CSMD1: variants seen among roughly 807,000 people sequenced by gnomAD.
The protein encoded by CSMD1 is CUB and Sushi multiple domains 1.
CSMD1 carries 213 observed loss-of-function variants against 417.5 expected under a neutral mutation model. The ratio of observed to expected loss-of-function variants is 0.51; its 90% confidence interval spans 0.46 to 0.57. CSMD1 has a LOEUF of 0.57. Ranked by LOEUF, CSMD1 falls within the 20% of genes least tolerant of loss-of-function variation. CSMD1 has a pLI of 0.00. For synonymous variants in CSMD1, 2,862 were observed against 1,736.8 expected, an observed-to-expected ratio of 1.65 and a Z score of -16.11; for missense variants, 6,923 against 4,529.7, an observed-to-expected ratio of 1.53 and a Z score of -15.17.
At chr8:4,880,499 T>C (rs1803320702) in intron 1 of CSMD1, among the ~76,000 whole-genome samples, 2 of 152,182 alleles carry the variant, frequency 1.3e-5, no homozygotes, top group South Asian at 2.1e-4. Flanking sequence ...ATGAATTCTG[T>C]CATACAGAAC....
chr8:4,974,132 T>G (rs1327216163), intron 1 of CSMD1, among the ~76,000 whole-genome samples: 1 of 152,050 alleles, frequency 6.6e-6, no homozygotes, highest in East Asian at 1.9e-4. Context: ...TTCTTCTGCT[T>G]CAGCCTCCCG....
intron 38 of CSMD1, among the ~76,000 whole-genome samples, chr8:3,159,094 ACT>A (rs1819721513): frequency 2.6e-5 from 4 of 152,142 alleles, no homozygotes; most frequent in Middle Eastern, 3.4e-3. Flanking sequence ...CGGCATTGAC[ACT>A]CTCTGTATCC....
chr8:4,382,959 G>C (rs999981076), intron 3 of CSMD1, among the ~76,000 whole-genome samples: 1 of 152,194 alleles, frequency 6.6e-6, no homozygotes, highest in Non-Finnish European at 1.5e-5. Context: ...TGCATATACA[G>C]GGGATGACAA....
At chr8:3,913,882 C>G (rs1808624460) in intron 5 of CSMD1, among the ~76,000 whole-genome samples, 2 of 151,804 alleles carry the variant, frequency 1.3e-5, no homozygotes, top group Admixed American at 6.6e-5. Context: ...TTATGATTAC[C>G]TCGACTGTTT....
chr8:3,945,120 C>G (rs1048891941), intron 5 of CSMD1, among the ~76,000 whole-genome samples: 2 of 144,392 alleles, frequency 1.4e-5, no homozygotes, highest in Non-Finnish European at 3.0e-5. Context: ...AAAATTAAGC[C>G]TTTGTAAGTG....
intron 5 of CSMD1, among the ~76,000 whole-genome samples, chr8:3,773,520 C>G (rs1019797431): frequency 6.6e-6 from 1 of 152,146 alleles, no homozygotes. Flanking sequence ...CTCCTGGACT[C>G]AAGTGATCCT....
intron 42 of CSMD1, among the ~76,000 whole-genome samples, chr8:3,110,681 A>C (rs1816451503): frequency 6.6e-6 from 1 of 152,230 alleles, no homozygotes; most frequent in Admixed American, 6.5e-5. Context: ...AATTATGGGG[A>C]AAGTATTCAT....
intron 10 of CSMD1, among the ~76,000 whole-genome samples, chr8:3,540,387 T>C (rs1798387371): frequency 6.6e-6 from 1 of 152,058 alleles, no homozygotes; most frequent in South Asian, 2.1e-4. Flanking sequence ...CAGCTCAAGG[T>C]GGATTCAAGA....
At chr8:3,178,111 G>A (rs971467628) in intron 37 of CSMD1, among the ~76,000 whole-genome samples, 1 of 152,148 alleles carries the variant, frequency 6.6e-6, no homozygotes, top group East Asian at 1.9e-4. Context: ...AGAGGATTCT[G>A]TAAGATCCCT....
intron 3 of CSMD1, among the ~76,000 whole-genome samples, chr8:4,361,931 C>G (rs1285396164): frequency 6.6e-6 from 1 of 151,940 alleles, no homozygotes; most frequent in Non-Finnish European, 1.5e-5. Context: ...CGCCAAGGCC[C>G]TCCAGCCTGG....
chr8:3,877,633 T>G lies in CSMD1; in HGVS notation c.818+120270A>C, dbSNP rs1462998096. ...CACAATTTCTGCCCAGTTCATCTAC[T>G]CCTTACAGTAGAATGTCTATTTTCC... On this transcript the variant is annotated intron_variant, in intron 5 of 69. Coordinates refer to ENST00000635120, the MANE Select transcript of CSMD1 (RefSeq NM_033225.6). Among the ~76,000 whole-genome samples, 6 of 152,224 alleles carry G rather than the reference T, an allele frequency of 3.9e-5. No homozygotes were observed. In the South Asian group the frequency reaches 1.0e-3, roughly 26 times the overall value.
chr8:4,215,688 T>C (rs144889932), intron 3 of CSMD1, among the ~76,000 whole-genome samples: 46 of 152,304 alleles, frequency 3.0e-4, no homozygotes, highest in African/African-American at 1.1e-3. Flanking sequence ...ACACAGACTT[T>C]AATATGCAGA....
chr8:3,766,402 C>T (rs1357768855), intron 5 of CSMD1, among the ~76,000 whole-genome samples: 1 of 152,170 alleles, frequency 6.6e-6, no homozygotes, highest in East Asian at 1.9e-4. Context: ...CTGTTTCTAA[C>T]CCTTGGCTGT....
At chr8:4,453,712 T>A (rs1045435256) in intron 2 of CSMD1, among the ~76,000 whole-genome samples, 1 of 151,494 alleles carries the variant, frequency 6.6e-6, no homozygotes, top group Non-Finnish European at 1.5e-5. Context: ...TGCACAGGCA[T>A]CACAGCGGGC....
At position 3,707,875 on chromosome 8, in the gene CSMD1, C is replaced by T. The variant is rs1585109735; in HGVS notation, c.1009+539G>A. On this transcript the variant is annotated intron_variant, in intron 7 of 69. Transcript: ENST00000635120. ...AGGTGTGGGAGACACCTTCATTCCT[C>T]CCACAGCTATTGATCTGGTATCTAC... 2.0e-5 allele frequency among the ~76,000 whole-genome samples: 3 copies of T among 152,264 alleles called. No individual in the cohort carries two copies. The South Asian group carries it at 6.2e-4, about 32-fold the overall frequency.
chr8:3,173,324 T>C (rs1305213099), intron 37 of CSMD1, among the ~76,000 whole-genome samples: 1 of 152,200 alleles, frequency 6.6e-6, no homozygotes, highest in East Asian at 1.9e-4. Context: ...GAATTCTCTG[T>C]GATGTAAGAC....
chr8:3,540,259 G>A (rs1320128897), intron 10 of CSMD1, among the ~76,000 whole-genome samples: 1 of 152,084 alleles, frequency 6.6e-6, no homozygotes, highest in Non-Finnish European at 1.5e-5. Context: ...CAACTTACTT[G>A]CAAAACAACC....
intron 1 of CSMD1, among the ~76,000 whole-genome samples, chr8:4,848,211 C>A (rs1457030128): frequency 6.6e-6 from 1 of 152,184 alleles, no homozygotes; most frequent in Non-Finnish European, 1.5e-5. Flanking sequence ...GTTTGTCTAT[C>A]CTTTCATCTA....
intron 4 of CSMD1, among the ~76,000 whole-genome samples, chr8:4,026,011 TAA>T (rs78872159): frequency 2.1e-5 from 3 of 143,178 alleles, no homozygotes; most frequent in Middle Eastern, 3.7e-3. Flanking sequence ...AGGAACTCTA[TAA>T]AAAAAAAAAA....
Sources: allele counts gnomAD v4.1 joint callset (sites outside exome capture counted in the v4.1 genomes callset), GRCh38; gene constraint gnomAD v4.1.1; transcripts MANE v1.5; gene names NCBI Gene and HGNC (gene_info 2026-07-23, HGNC 2026-07-21).